CNTNAP3: variants seen among roughly 807,000 people sequenced by gnomAD.
CNTNAP3 encodes contactin associated protein family member 3.
A neutral mutation model predicts 92.1 loss-of-function variants in CNTNAP3; 36 were observed. The ratio of observed to expected loss-of-function variants is 0.39; its 90% CI spans 0.30 to 0.52. The LOEUF is 0.52. Among genes scored for constraint, CNTNAP3 ranks in the 20% least tolerant of loss-of-function variants. CNTNAP3 has a pLI of 0.76. For missense variants in CNTNAP3, 534 were observed against 1,069.6 expected, an observed-to-expected ratio of 0.50 and a Z score of 6.98; for synonymous variants, 232 against 422.3, an observed-to-expected ratio of 0.55 and a Z score of 5.53.
chr9:39,104,517 C>CACAG (rs1271985325), intron 15 of CNTNAP3, among the ~76,000 whole-genome samples: 1 of 149,282 alleles, frequency 6.7e-6, no homozygotes, highest in East Asian at 1.9e-4. Flanking sequence ...CACACACACA[C>CACAG]ACACTGTCTT....
intron 10 of CNTNAP3, among the ~76,000 whole-genome samples, chr9:39,148,459 AATTG>A (rs1440496807): frequency 1.3e-5 from 2 of 152,162 alleles, no homozygotes; most frequent in African/African-American, 4.8e-5. Context: ...TTTAAAACAG[AATTG>A]ACTAACTGAA....
intron 14 of CNTNAP3, among the ~76,000 whole-genome samples, chr9:39,112,440 A>G (rs1826771232): frequency 6.6e-6 from 1 of 151,890 alleles, no homozygotes; most frequent in African/African-American, 2.4e-5. Flanking sequence ...ATCTCTGCTC[A>G]CTGCAACCTC....
intron 13 of CNTNAP3, among the ~76,000 whole-genome samples, chr9:39,129,784 T>C (rs1293224289): frequency 2.0e-5 from 3 of 151,836 alleles, no homozygotes; most frequent in African/African-American, 4.8e-5. Context: ...AATTCAACAG[T>C]AACAAAACAA....
chr9:39,099,302 C>A (rs1261932347), intron 18 of CNTNAP3, among the ~76,000 whole-genome samples: 9 of 152,124 alleles, frequency 5.9e-5, no homozygotes, highest in African/African-American at 2.2e-4. Flanking sequence ...TGTGTGATAC[C>A]CCACTGCACT....
At chr9:39,117,451 C>T (rs918617896) in intron 14 of CNTNAP3, among the ~76,000 whole-genome samples, 1 of 152,056 alleles carries the variant, frequency 6.6e-6, no homozygotes, top group Non-Finnish European at 1.5e-5. Context: ...AAAAGAACTT[C>T]TGAAAAAAAG....
intron 18 of CNTNAP3, among the ~76,000 whole-genome samples, chr9:39,094,186 C>T (rs1202657937): frequency 1.3e-5 from 2 of 151,394 alleles, no homozygotes; most frequent in Non-Finnish European, 3.0e-5. Flanking sequence ...GGAGAAATGT[C>T]TCATCAAGTC....
At chr9:39,179,376 GAGAGCCCTGT>G (rs1342601648) in intron 4 of CNTNAP3, among the ~76,000 whole-genome samples, 1 of 84,504 alleles carries the variant, frequency 1.2e-5, no homozygotes, top group Non-Finnish European at 2.3e-5. Context: ...TGTTTCTCTG[GAGAGCCCTGT>G]CTGACAAAGG....
At chr9:39,096,678 T>G (rs892932371) in intron 18 of CNTNAP3, among the ~76,000 whole-genome samples, 3 of 151,310 alleles carry the variant, frequency 2.0e-5, no homozygotes, top group African/African-American at 7.3e-5. Context: ...TTCATGACAA[T>G]AGTTTTCTTT....
Position 39,085,787 on chromosome 9 carries a change from A to G in CNTNAP3, c.3391T>C (p.Ser1131Pro). ...QSTKKQVILS[S>P]GTEFNAVKSL... The stretch of plus-strand genomic sequence containing the variant: ...TTGACGGCGTTGAATTCTGTCCCTG[A>G]GGACAAGATGACTTGTTTCTTTGTG... The change falls in exon 21 of 24, where the codon TCA becomes CCA. Residue 1131 changes from serine to proline, a missense_variant. By Grantham distance (74) the Ser-to-Pro change is moderately conservative. Coordinates refer to ENST00000297668, the MANE Select transcript of CNTNAP3 (RefSeq NM_033655.5). 1 of 1,566,344 alleles carries G rather than the reference A, an allele frequency of 6.4e-7. No homozygotes were observed. Among genetic ancestry groups the G allele is most frequent in the Non-Finnish European group, 8.7e-7 (1 of 1,145,834 alleles).
rs1387947295 is a variant in CNTNAP3 at position 39,113,602 on chromosome 9, C to T, written c.2238-4315G>A. On this transcript the variant is annotated intron_variant, in intron 14 of 23. Coordinates refer to ENST00000297668, the MANE Select transcript of CNTNAP3 (RefSeq NM_033655.5). ...TGTTTCTTTTCCAAACTTTTTATCA[C>T]TTACATCTATTTTATTTCCTCTTGT... Among the ~76,000 whole-genome samples, 8 of 152,024 alleles carry T rather than the reference C, an allele frequency of 5.3e-5. No individual in the cohort carries two copies. The East Asian group carries it at 1.4e-3, about 26-fold the overall frequency.
chr9:39,123,346 G>A (rs1016553056), intron 13 of CNTNAP3, among the ~76,000 whole-genome samples: 71 of 152,074 alleles, frequency 4.7e-4, no homozygotes, highest in African/African-American at 1.3e-3. Flanking sequence ...CGCCCGCCTC[G>A]GCCTCCCAAA....
chr9:39,107,536 T>C (rs555110467), intron 15 of CNTNAP3, among the ~76,000 whole-genome samples: 4 of 152,104 alleles, frequency 2.6e-5, no homozygotes, highest in Non-Finnish European at 1.5e-5. Flanking sequence ...AGCTAAAATA[T>C]GAGATAAACA....
At chr9:39,089,730 T>G (rs1028509235) in intron 18 of CNTNAP3, among the ~76,000 whole-genome samples, 3 of 152,138 alleles carry the variant, frequency 2.0e-5, no homozygotes, top group African/African-American at 7.2e-5. Flanking sequence ...CATTTATTAT[T>G]ATCTTTCTTT....
intron 15 of CNTNAP3, among the ~76,000 whole-genome samples, chr9:39,107,241 G>GAAAGAAAGAAAGAA (rs1289080725): frequency 2.0e-5 from 3 of 146,976 alleles, no homozygotes; most frequent in Admixed American, 6.9e-5. Flanking sequence ...AAGAAGACAG[G>GAAAGAAAGAAAGAA]AAAGAAAGAA....
intron 23 of CNTNAP3, among the ~76,000 whole-genome samples, chr9:39,076,845 G>T (rs553363234): frequency 6.6e-6 from 1 of 152,294 alleles, no homozygotes; most frequent in African/African-American, 2.4e-5. Flanking sequence ...GTGGGCACCT[G>T]TATCCCCAGC....
At chr9:39,146,787 A>C (rs1821712846) in intron 10 of CNTNAP3, among the ~76,000 whole-genome samples, 1 of 152,214 alleles carries the variant, frequency 6.6e-6, no homozygotes. Flanking sequence ...TTTTTTGTGT[A>C]GCTTAAAATT....
intron 21 of CNTNAP3, among the ~76,000 whole-genome samples, chr9:39,083,722 C>T (rs1826001644): frequency 6.6e-6 from 1 of 151,604 alleles, no homozygotes; most frequent in Admixed American, 6.6e-5. Flanking sequence ...TACAATAATA[C>T]CAAAGTATCT....
At chr9:39,103,268 C>A (rs543905414) in intron 16 of CNTNAP3, among the ~76,000 whole-genome samples, 4,077 of 152,288 alleles carry the variant, frequency 0.027, 18 homozygotes, top group African/African-American at 0.092. Flanking sequence ...CTTCATGCTT[C>A]ATTGTTTTAT....
intron 14 of CNTNAP3, among the ~76,000 whole-genome samples, chr9:39,110,411 C>A (rs559560130): frequency 6.6e-6 from 1 of 152,156 alleles, no homozygotes; most frequent in South Asian, 2.1e-4. Context: ...ATACAAAAAA[C>A]AAACAAAAAA....
Sources: gnomAD v4.1 joint callset for allele counts (sites outside exome capture counted in the v4.1 genomes callset) on GRCh38, gnomAD v4.1.1 for gene constraint, MANE v1.5 for transcripts, NCBI Gene and HGNC (gene_info 2026-07-23, HGNC 2026-07-21) for gene names.